Variants in ADAMTS3 observed in about 807,000 individuals in gnomAD.
ADAMTS3 encodes the protein ADAM metallopeptidase with thrombospondin type 1 motif 3.
A neutral mutation model predicts 129.0 loss-of-function variants in ADAMTS3; 73 were observed. The ratio of observed to expected loss-of-function variants is 0.57; its 90% CI spans 0.47 to 0.69. The LOEUF is 0.69. Among genes scored for constraint, ADAMTS3 ranks in the 30% least tolerant of loss-of-function variants. The pLI, the probability that ADAMTS3 is intolerant of heterozygous loss-of-function variation, is 0.00. For synonymous variants in ADAMTS3, 477 were observed against 510.8 expected, an observed-to-expected ratio of 0.93 and a Z score of 0.89; for missense variants, 1,457 against 1,514.5, an observed-to-expected ratio of 0.96 and a Z score of 0.63.
intron 4 of ADAMTS3, among the ~76,000 whole-genome samples, chr4:72,373,882 A>T (rs1179067821): frequency 6.6e-6 from 1 of 150,650 alleles, no homozygotes; most frequent in Non-Finnish European, 1.5e-5. Flanking sequence ...ACTCTGTGTC[A>T]GCAAGACCCC....
intron 21 of ADAMTS3, 22 bp from the exon 22 acceptor site, chr4:72,283,726 AAACT>A (rs746126376): frequency 3.9e-6 from 6 of 1,524,600 alleles, no homozygotes; most frequent in East Asian, 4.6e-5. Flanking sequence ...AAAAGAAAAT[AAACT>A]AACACTAGCA....
intron 3 of ADAMTS3, among the ~76,000 whole-genome samples, chr4:72,470,957 C>A (rs949773311): frequency 6.6e-6 from 1 of 152,110 alleles, no homozygotes; most frequent in African/African-American, 2.4e-5. Context: ...CCACTTCTAT[C>A]GCATACCAAA....
chr4:72,430,437 A>G lies in ADAMTS3; in HGVS notation c.505-15466T>C, dbSNP rs148332435. Among the ~76,000 whole-genome samples, 919 of 151,926 alleles carry G rather than the reference A, an allele frequency of 6.0e-3. 6 individuals are homozygous for G. The highest frequency in any genetic ancestry group is 7.7e-3 in the Non-Finnish European group (522 of 67,900). On this transcript the variant is annotated intron_variant, in intron 3 of 21. Transcript: ENST00000286657. Reference sequence around the variant, plus strand: ...CATGACAGTCCAAGCCTTAGAATCAACTCAGCCCAGGCACCAGACATGTGA... The same window carrying G: ...CATGACAGTCCAAGCCTTAGAATCAGCTCAGCCCAGGCACCAGACATGTGA...
intron 4 of ADAMTS3, among the ~76,000 whole-genome samples, chr4:72,392,915 ATT>A (rs36046621): frequency 0.059 from 8,224 of 139,738 alleles, 583 homozygotes; most frequent in East Asian, 0.23. Context: ...TACCCATCGG[ATT>A]TTTTTTTTTT....
At chr4:72,403,479 C>A (rs1337700949) in intron 4 of ADAMTS3, among the ~76,000 whole-genome samples, 1 of 151,476 alleles carries the variant, frequency 6.6e-6, no homozygotes, top group African/African-American at 2.4e-5. Flanking sequence ...AAATAAGAGT[C>A]AAGTAGTATT....
chr4:72,349,337 T>A (rs945058286), intron 4 of ADAMTS3, among the ~76,000 whole-genome samples: 1 of 152,068 alleles, frequency 6.6e-6, no homozygotes, highest in Admixed American at 6.6e-5. Flanking sequence ...ACTTATAAAT[T>A]TGATGCTAAA....
intron 4 of ADAMTS3, among the ~76,000 whole-genome samples, chr4:72,384,273 C>G (rs973074464): frequency 1.3e-5 from 2 of 152,022 alleles, no homozygotes; most frequent in Admixed American, 1.3e-4. Context: ...TGGCCATTTT[C>G]AAAATCTGCT....
At chr4:72,362,002 T>C (rs1720740949) in intron 4 of ADAMTS3, among the ~76,000 whole-genome samples, 1 of 76,916 alleles carries the variant, frequency 1.3e-5, no homozygotes, top group Non-Finnish European at 3.9e-5. Context: ...ATGTCCAAAA[T>C]TATATAAGTT....
chr4:72,510,819 C>CAAAAAAAAAAAAAAA (rs869030257), intron 3 of ADAMTS3, among the ~76,000 whole-genome samples: 1 of 63,646 alleles, frequency 1.6e-5, no homozygotes, highest in Non-Finnish European at 2.9e-5. Flanking sequence ...ATCCTTAAGC[C>CAAAAAAAAAAAAAAA]AAAAAAAAAA....
At chr4:72,526,251 A>T (rs1343898126) in intron 3 of ADAMTS3, among the ~76,000 whole-genome samples, 1 of 152,162 alleles carries the variant, frequency 6.6e-6, no homozygotes, top group Non-Finnish European at 1.5e-5. Flanking sequence ...TTAAAGCTAT[A>T]AGCAGCTACT....
chr4:72,327,873 T>C (rs185134423), intron 5 of ADAMTS3, among the ~76,000 whole-genome samples: 2 of 152,190 alleles, frequency 1.3e-5, no homozygotes, highest in Non-Finnish European at 2.9e-5. Flanking sequence ...AGCGAGGCTC[T>C]AAACTGAATA....
chr4:72,320,076 T>G, intron 7 of ADAMTS3, 113 bp from the exon 8 acceptor site: 1 of 772,102 alleles, frequency 1.3e-6, no homozygotes, highest in South Asian at 1.7e-5. Context: ...GAAACAGGGG[T>G]AGCATTATTT....
Position 72,339,554 on chromosome 4 carries a change from A to C in ADAMTS3, c.801T>G (p.Ser267=). Residue 267 remains serine, a synonymous_variant, in exon 5 of 22, where the codon TCT becomes TCG. Transcript: ENST00000286657. The part of the protein sequence containing the change: ...NIEVLLGVDD[S]VVRFHGKEHV... ...GCTCTTTGCCATGGAAACGGACCAC[A>C]GAGTCATCCACTCCCAGCAGTACCT... The C allele has an allele frequency of 6.2e-7, 1 of 1,613,992 alleles. No individual in the cohort carries two copies. The highest frequency in any genetic ancestry group is 1.1e-5 in the South Asian group (1 of 91,076).
In ADAMTS3 at chr4:72,552,072, A is replaced by G. The variant is rs369122903; in HGVS notation, c.98-3188T>C. Among the ~76,000 whole-genome samples, 389 of 152,354 alleles carry G rather than the reference A, an allele frequency of 2.6e-3. 1 individual carries two copies. The highest frequency in any genetic ancestry group is 7.5e-3 in the African/African-American group (313 of 41,592). ...AGAATTTTAATCTCAGATTACAATC[A>G]CAGAAGTAAAACCAAATTATATCCA... On this transcript the variant is annotated intron_variant, in intron 2 of 21. Coordinates refer to ENST00000286657, the MANE Select transcript of ADAMTS3 (RefSeq NM_014243.3).
chr4:72,548,337 G>T lies in ADAMTS3; in HGVS notation c.504+141C>A, dbSNP rs1196889319. 4.8e-6 allele frequency: 4 copies of T among 841,208 alleles called. No homozygotes were observed. In the African/African-American group the frequency reaches 6.8e-5, roughly 14 times the overall value. The allele number at this position is 841,208 out of a possible 1,614,324, so 52.1% of individuals were successfully genotyped here. A position where few individuals can be genotyped will look rare whatever the true frequency, so the allele number is the denominator to read the frequency against. ...AAATGCATATCTTTGACAGCAAAAT[G>T]CTTTCTAGTGTCTTTTTCTGAACTT... On this transcript the variant is annotated intron_variant, in intron 3 of 21. Coordinates refer to ENST00000286657, the MANE Select transcript of ADAMTS3 (RefSeq NM_014243.3).
Position 72,564,468 on chromosome 4 carries a change from C to T in ADAMTS3, c.97+2906G>A, listed in dbSNP as rs1361770303. Among the ~76,000 whole-genome samples the T allele has an allele frequency of 2.0e-5, 3 of 152,224 alleles. No homozygotes were observed. The East Asian group carries it at 5.8e-4, about 29-fold the overall frequency. On this transcript the variant is annotated intron_variant, in intron 2 of 21. Transcript: ENST00000286657. ...CGCCCTAGAAGTATGTCAATGATCT[C>T]ATGAAACATACTTACACATATATAC...
At chr4:72,397,895 A>G (rs1256754223) in intron 4 of ADAMTS3, among the ~76,000 whole-genome samples, 1 of 152,180 alleles carries the variant, frequency 6.6e-6, no homozygotes, top group Non-Finnish European at 1.5e-5. Flanking sequence ...ACCTGAAGCT[A>G]CAAAAAGAGC....
At chr4:72,494,663 T>C (rs1719828571) in intron 3 of ADAMTS3, among the ~76,000 whole-genome samples, 6 of 152,330 alleles carry the variant, frequency 3.9e-5, no homozygotes, top group South Asian at 4.1e-4. Flanking sequence ...TAGCCTTGCA[T>C]TGACATCTGC....
At chr4:72,320,999 C>T (rs990692746) in intron 6 of ADAMTS3, 129 bp from the exon 7 acceptor site, 26 of 909,508 alleles carry the variant, frequency 2.9e-5, no homozygotes, top group Middle Eastern at 4.5e-4. Flanking sequence ...GGGGCTTATT[C>T]TGATATTTGC....
Sources: allele counts gnomAD v4.1 joint callset (sites outside exome capture counted in the v4.1 genomes callset), GRCh38; gene constraint gnomAD v4.1.1; transcripts MANE v1.5; gene names NCBI Gene and HGNC (gene_info 2026-07-23, HGNC 2026-07-21).